Variants in MIR2052HG observed in about 807,000 individuals in gnomAD.
MIR2052HG encodes the protein MIR2052 host gene.
chr8:74,735,957 T>C (rs1215006887), intron 4 of MIR2052HG, among the ~76,000 whole-genome samples: 2 of 152,194 alleles, frequency 1.3e-5, no homozygotes, highest in Non-Finnish European at 2.9e-5. Flanking sequence ...TTAAAATAAG[T>C]AGTAAGCAAA....
Position 74,703,104 on chromosome 8 carries a change from CAG to C in MIR2052HG, n.295-500_295-499del, listed in dbSNP as rs1809374327. Reference sequence around the variant, plus strand: ...AAGTCACATAAGAATATTCAACAATCAGAAAAAAAGTGGACGTGGCTACTATG... The same window carrying C: ...AAGTCACATAAGAATATTCAACAATCAAAAAAAGTGGACGTGGCTACTATG... On this transcript the variant is annotated intron_variant and non_coding_transcript_variant, in intron 3 of 6. Coordinates refer to ENST00000523442, the Ensembl canonical transcript of MIR2052HG. Among the ~76,000 whole-genome samples the C allele has an allele frequency of 7.2e-5, 11 of 151,954 alleles. No homozygotes were observed. The South Asian group carries it at 2.3e-3, about 31-fold the overall frequency.
chr8:74,666,550 C>T (rs1808925864), intron 2 of MIR2052HG, among the ~76,000 whole-genome samples: 1 of 152,184 alleles, frequency 6.6e-6, no homozygotes, highest in South Asian at 2.1e-4. Flanking sequence ...TGCTGTGTCA[C>T]AGGACCTGGA....
At chr8:74,614,877 G>A (rs915437460) in intron 2 of MIR2052HG, among the ~76,000 whole-genome samples, 4 of 151,282 alleles carry the variant, frequency 2.6e-5, no homozygotes, top group Middle Eastern at 3.4e-3. Flanking sequence ...TAGATTGAAT[G>A]CAGTTTTTCC....
chr8:74,752,485 C>T (rs1452874949), exon 5 of MIR2052HG: 1 of 456,120 alleles, frequency 2.2e-6, no homozygotes, highest in East Asian at 7.0e-5. Flanking sequence ...TCTCCAAACT[C>T]ATTAACTTTG....
intron 4 of MIR2052HG, among the ~76,000 whole-genome samples, chr8:74,751,143 CA>C (rs1236410120): frequency 6.6e-6 from 1 of 152,138 alleles, no homozygotes. Flanking sequence ...TGCAGAGTGG[CA>C]AAAAAGTTTC....
At chr8:74,681,219 T>TA (rs201204016) in intron 2 of MIR2052HG, among the ~76,000 whole-genome samples, 1 of 150,982 alleles carries the variant, frequency 6.6e-6, no homozygotes, top group African/African-American at 2.4e-5. Flanking sequence ...ATAATAATAA[T>TA]AAAAAAAAGA....
intron 4 of MIR2052HG, chr8:74,705,815 A>G (rs1207186129): frequency 1.2e-5 from 2 of 169,568 alleles, no homozygotes; most frequent in East Asian, 1.9e-4. Context: ...ACTGACTCCA[A>G]ATAAAAATAT....
intron 2 of MIR2052HG, among the ~76,000 whole-genome samples, chr8:74,691,856 A>T (rs1809242697): frequency 1.3e-5 from 2 of 152,162 alleles, no homozygotes; most frequent in South Asian, 4.1e-4. Flanking sequence ...TCTCAGCCAG[A>T]ATAGTCTTCT....
intron 2 of MIR2052HG, among the ~76,000 whole-genome samples, chr8:74,659,192 A>G (rs1488629218): frequency 6.6e-6 from 1 of 152,202 alleles, no homozygotes; most frequent in Non-Finnish European, 1.5e-5. Context: ...GAAAGGCTAA[A>G]TATGCTCATA....
chr8:74,728,387 G>A (rs1337673716), intron 4 of MIR2052HG, among the ~76,000 whole-genome samples: 1 of 152,070 alleles, frequency 6.6e-6, no homozygotes, highest in Non-Finnish European at 1.5e-5. Flanking sequence ...TTGCTTCTTT[G>A]TTTTCTGAAA....
rs533631458 is a variant in MIR2052HG, at chr8:74,714,223, T to G, written n.371+10541T>G. On this transcript the variant is annotated intron_variant and non_coding_transcript_variant, in intron 4 of 6. Coordinates refer to ENST00000523442, the Ensembl canonical transcript of MIR2052HG. ...ACCACGAGGATGAGAGAATTGTTCC[T>G]TTCCTGTTTTCCAATCAGATAGGGT... Among the ~76,000 whole-genome samples, 4 of 152,322 alleles carry G rather than the reference T, an allele frequency of 2.6e-5. No homozygotes were observed. In the South Asian group the frequency reaches 6.2e-4, roughly 24 times the overall value.
intron 4 of MIR2052HG, among the ~76,000 whole-genome samples, chr8:74,730,534 A>G (rs936379154): frequency 3.3e-5 from 5 of 152,202 alleles, no homozygotes; most frequent in Non-Finnish European, 5.9e-5. Flanking sequence ...ATCAAAGTAT[A>G]TTGTATACCT....
At chr8:74,656,963 T>C (rs568805271) in intron 2 of MIR2052HG, among the ~76,000 whole-genome samples, 24 of 152,340 alleles carry the variant, frequency 1.6e-4, no homozygotes, top group Non-Finnish European at 1.3e-4. Flanking sequence ...AGTAACATTT[T>C]CCTTCCTTCA....
At chr8:74,638,668 G>A (rs1331105731) in intron 2 of MIR2052HG, among the ~76,000 whole-genome samples, 1 of 152,078 alleles carries the variant, frequency 6.6e-6, no homozygotes, top group Non-Finnish European at 1.5e-5. Flanking sequence ...TTATTAAGCT[G>A]GGGAAGCAAT....
chr8:74,686,895 T>C (rs1435482626), intron 2 of MIR2052HG, among the ~76,000 whole-genome samples: 5 of 152,106 alleles, frequency 3.3e-5, no homozygotes, highest in African/African-American at 4.8e-5. Context: ...TTTTTGATAA[T>C]CTGTTTGTTC....
At chr8:74,689,976 G>A (rs1809222578) in intron 2 of MIR2052HG, among the ~76,000 whole-genome samples, 1 of 152,120 alleles carries the variant, frequency 6.6e-6, no homozygotes, top group South Asian at 2.1e-4. Context: ...ACCAGAGATA[G>A]AAAACCCTGA....
chr8:74,743,406 G>A (rs552877550), intron 4 of MIR2052HG, among the ~76,000 whole-genome samples: 1 of 152,196 alleles, frequency 6.6e-6, no homozygotes, highest in South Asian at 2.1e-4. Context: ...AGAGGTCATG[G>A]AAAACTAATA....
intron 2 of MIR2052HG, among the ~76,000 whole-genome samples, chr8:74,661,538 G>C (rs993025594): frequency 1.3e-5 from 2 of 152,150 alleles, no homozygotes; most frequent in Non-Finnish European, 2.9e-5. Context: ...CTAAAAAAGA[G>C]ACTTCCAGGG....
At chr8:74,647,894 G>T (rs1276668171) in intron 2 of MIR2052HG, among the ~76,000 whole-genome samples, 1 of 152,044 alleles carries the variant, frequency 6.6e-6, no homozygotes, top group African/African-American at 2.4e-5. Context: ...TCTTATGCTT[G>T]TCTTTACTTT....
Sources: allele counts gnomAD v4.1 joint callset (sites outside exome capture counted in the v4.1 genomes callset), GRCh38; gene constraint gnomAD v4.1.1; transcripts MANE v1.5; gene names NCBI Gene and HGNC (gene_info 2026-07-23, HGNC 2026-07-21).